The following MAP4 variants were observed in gnomAD, a reference collection of about 807,000 sequenced individuals.
MAP4 encodes microtubule associated protein 4.
MAP4 carries 76 observed loss-of-function variants against 170.2 expected under a neutral mutation model. That is an observed-to-expected ratio of 0.45 (90% CI 0.37 to 0.54). The LOEUF (loss-of-function observed/expected upper bound fraction) is 0.54. Ranked by LOEUF, MAP4 falls within the 20% of genes least tolerant of loss-of-function variation. The pLI is 0.00. For missense variants in MAP4, 2,506 were observed against 2,748.0 expected (o/e 0.91, Z 1.97); for synonymous variants, 909 against 994.5 (o/e 0.91, Z 1.62).
At chr3:47,885,650 A>G (rs1332502260) in intron 10 of MAP4, among the ~76,000 whole-genome samples, 2 of 151,962 alleles carry the variant, frequency 1.3e-5, no homozygotes. Flanking sequence ...TTAGTCAAAA[A>G]CTGAGTATTT....
intron 3 of MAP4, among the ~76,000 whole-genome samples, chr3:47,961,601 T>C (rs1444496016): frequency 6.6e-6 from 1 of 152,214 alleles, no homozygotes; most frequent in Non-Finnish European, 1.5e-5. Flanking sequence ...CTACCTTTCA[T>C]TGCCCTGCCT....
intron 3 of MAP4, among the ~76,000 whole-genome samples, chr3:47,939,341 G>A (rs139002776): frequency 7.5e-4 from 114 of 152,170 alleles, no homozygotes; most frequent in African/African-American, 2.7e-3. Flanking sequence ...TATTTTACAT[G>A]TTAGTAAGTG....
intron 12 of MAP4, among the ~76,000 whole-genome samples, chr3:47,874,234 G>A (rs1315792182): frequency 2.0e-5 from 3 of 152,168 alleles, no homozygotes; most frequent in African/African-American, 7.2e-5. Context: ...TTGGGAGGCC[G>A]AGGCAGGCGG....
rs866490055 is a variant in MAP4, at chr3:48,071,649, G to A, written c.-20+17124C>T. On this transcript the variant is annotated intron_variant, in intron 1 of 18. Coordinates refer to the MAP4 transcript ENST00000360240. ...CTAAATTCATGAAAAAAGTAGCCGG[G>A]TGCAGTCGCTCACACCTGTAACTCC... Among the ~76,000 whole-genome samples, 69 of 152,260 alleles carry A rather than the reference G, an allele frequency of 4.5e-4. 1 individual carries two copies. In the Middle Eastern group the frequency reaches 0.014, roughly 30 times the overall value.
At chr3:47,853,769 G>C (rs950266733) in intron 19 of MAP4, among the ~76,000 whole-genome samples, 4 of 145,614 alleles carry the variant, frequency 2.7e-5, no homozygotes, top group East Asian at 4.6e-4. Flanking sequence ...CCTGCACACA[G>C]AGTGGGGTCC....
At chr3:47,917,201 T>A (rs1365545051) in intron 6 of MAP4, 27 bp from the exon 7 acceptor site, 1 of 1,584,918 alleles carries the variant, frequency 6.3e-7, no homozygotes, top group Non-Finnish European at 8.6e-7. Flanking sequence ...GGACACATCA[T>A]TGTCTACTCA....
intron 17 of MAP4, among the ~76,000 whole-genome samples, chr3:47,859,702 G>A (rs1576656750): frequency 6.6e-6 from 1 of 152,184 alleles, no homozygotes; most frequent in Admixed American, 6.5e-5. Flanking sequence ...ATTACATACA[G>A]AGTAGTTACT....
intron 2 of MAP4, among the ~76,000 whole-genome samples, chr3:47,994,710 G>A (rs926050200): frequency 6.6e-6 from 1 of 152,214 alleles, no homozygotes; most frequent in Non-Finnish European, 1.5e-5. Context: ...AGCACTTTGG[G>A]AGGCCAAGGC....
At chr3:47,883,749 G>A (rs1343320868) in intron 10 of MAP4, among the ~76,000 whole-genome samples, 1 of 151,942 alleles carries the variant, frequency 6.6e-6, no homozygotes, top group Non-Finnish European at 1.5e-5. Context: ...GCAGTTGACA[G>A]TTCTTTTCTT....
Position 47,876,132 on chromosome 3 carries a change from C to CTTTTTT in MAP4, c.5542-233_5542-232insAAAAAA, listed in dbSNP as rs756229459. Among the ~76,000 whole-genome samples the CTTTTTT allele has an allele frequency of 1.9e-3, 267 of 140,480 alleles. 7 individuals carry two copies. Among genetic ancestry groups the CTTTTTT allele is most frequent in the Non-Finnish European group, 2.8e-3 (180 of 64,478 alleles). 92.2% of individuals were successfully genotyped at this position (140,480 alleles called of 152,430 possible). A position where few individuals can be genotyped will look rare whatever the true frequency, so the allele number is the denominator to read the frequency against. ...TGGGGAATAGTTTCTTTTTCTTTTT[C>CTTTTTT]TTTCTTTTTTTTTTTTTTTGAGATG... On this transcript the variant is annotated intron_variant, in intron 11 of 20. Coordinates refer to ENST00000683076, the MANE Select transcript of MAP4 (RefSeq NM_001385682.1).
intron 1 of MAP4, among the ~76,000 whole-genome samples, chr3:48,002,101 G>A (rs1325959329): frequency 6.6e-6 from 1 of 152,064 alleles, no homozygotes; most frequent in Non-Finnish European, 1.5e-5. Flanking sequence ...TCAGGAGGCT[G>A]GGGCAGGGAG....
intron 10 of MAP4, among the ~76,000 whole-genome samples, chr3:47,901,657 G>C (rs568639463): frequency 6.7e-6 from 1 of 149,462 alleles, no homozygotes; most frequent in Non-Finnish European, 1.5e-5. Flanking sequence ...CTGGGCAACT[G>C]AGCAAGACCC....
intron 1 of MAP4, among the ~76,000 whole-genome samples, chr3:48,034,050 C>T (rs566914587): frequency 8.5e-4 from 130 of 152,346 alleles, no homozygotes; most frequent in Non-Finnish European, 1.5e-3. Flanking sequence ...TCTTTCTACA[C>T]GTGGCCAACC....
At position 47,909,470 on chromosome 3, in the gene MAP4, T is replaced by A. The variant is rs1490958713; in HGVS notation, c.4951A>T (p.Ser1651Cys). 5 of 1,613,780 alleles carry A rather than the reference T, an allele frequency of 3.1e-6. No homozygotes were observed. The African/African-American group carries it at 5.3e-5, about 17-fold the overall frequency. ...GTCAGATCTACCTTCTTATTCAAAC[T>A]ATCTGAACCTTTGGAATTTCTATCT... ...AQDRNSKGSD[S>C]LNKKVDLTLL... The change falls in exon 9 of 21, where the codon AGT (serine) becomes TGT (cysteine). Residue 1651 changes from serine (S) to cysteine (C), a missense_variant. Ser to Cys is a moderately radical substitution (Grantham distance 112). This residue lies in a region of MAP4 where 2,008 missense variants were observed against 2,206.0 expected (regional missense o/e 0.91). Coordinates refer to ENST00000683076, the MANE Select transcript of MAP4 (RefSeq NM_001385682.1).
chr3:47,994,832 C>G (rs1192878472), intron 2 of MAP4, among the ~76,000 whole-genome samples: 1 of 152,090 alleles, frequency 6.6e-6, no homozygotes, highest in Non-Finnish European at 1.5e-5. Context: ...GGCCTGTAAT[C>G]CCAGCTACTG....
intron 1 of MAP4, among the ~76,000 whole-genome samples, chr3:48,012,319 G>T (rs996398581): frequency 2.6e-5 from 4 of 152,100 alleles, no homozygotes; most frequent in Non-Finnish European, 1.5e-5. Context: ...ACTCTTTGAT[G>T]TCCACGTGCC....
chr3:47,857,663 C>T, intron 17 of MAP4, 151 bp from the exon 18 acceptor site: 1 of 628,892 alleles, frequency 1.6e-6, no homozygotes, highest in Non-Finnish European at 2.8e-6. Flanking sequence ...GGTCATCTCC[C>T]TAAGTACTTA....
In MAP4 at chr3:47,921,790, T is replaced by C; in HGVS notation, c.504A>G (p.Gln168=). The C allele has an allele frequency of 1.2e-6, 2 of 1,609,934 alleles. No individual in the cohort carries two copies. The highest frequency in any genetic ancestry group is 1.1e-5 in the South Asian group (1 of 90,978). ...CGTAACTGTCTTTCAAGGGATCATT[T>C]TGTCCTGCAAATATTGAAGTATCAG... is the stretch of plus-strand genomic sequence containing the variant. ...ATADTSIFAG[Q]NDPLKDSYGM... Residue 168 remains glutamine, a synonymous_variant, in exon 5 of 21, where the codon CAA becomes CAG. Transcript: ENST00000683076.
At chr3:47,907,712 A>T (rs1560001373) in intron 9 of MAP4, among the ~76,000 whole-genome samples, 1 of 152,232 alleles carries the variant, frequency 6.6e-6, no homozygotes, top group Admixed American at 6.5e-5. Flanking sequence ...TAACTTTTAG[A>T]TCACTGCTGA....
Sources: allele counts gnomAD v4.1 joint callset (sites outside exome capture counted in the v4.1 genomes callset), GRCh38; gene constraint gnomAD v4.1.1; regional missense constraint gnomAD v4.1.1; transcripts MANE v1.5; gene names NCBI Gene and HGNC (gene_info 2026-07-23, HGNC 2026-07-21).